Variants in ANKRD12 observed in about 807,000 individuals in gnomAD.
ANKRD12 encodes the protein ankyrin repeat domain-containing protein 12.
A neutral mutation model predicts 183.4 loss-of-function variants in ANKRD12; 85 were observed. The ratio of observed to expected loss-of-function variants is 0.46; its 90% CI spans 0.39 to 0.56. The LOEUF (loss-of-function observed/expected upper bound fraction) is 0.56, where lower values mean the gene tolerates loss of function less well. ANKRD12 is among the 20% of genes least tolerant of loss of function. ANKRD12 has a pLI of 0.00. For synonymous variants in ANKRD12, 914 were observed against 800.2 expected (o/e 1.14, Z -2.40); for missense variants, 2,405 against 2,357.1 (o/e 1.02, Z -0.42).
rs558831239 is a variant in ANKRD12, at chr18:9,179,907, A to G, written c.-51-2475A>G. On this transcript the variant is annotated intron_variant, in intron 1 of 12. Coordinates refer to ENST00000262126, the MANE Select transcript of ANKRD12 (RefSeq NM_015208.5). ...TGTTTTATGACACAGAATGTGGCCT[A>G]TCTTGGGGAGTATTCTGTGTGCTCT... Among the ~76,000 whole-genome samples, 6 of 152,370 alleles carry G rather than the reference A, an allele frequency of 3.9e-5. No homozygotes were observed. The South Asian group carries it at 6.2e-4, about 16-fold the overall frequency.
At chr18:9,246,334 T>C (rs1329858405) in intron 8 of ANKRD12, among the ~76,000 whole-genome samples, 7 of 152,276 alleles carry the variant, frequency 4.6e-5, no homozygotes, top group African/African-American at 1.7e-4. Flanking sequence ...ACTTTTATAA[T>C]AAAAGTATAA....
At chr18:9,155,726 G>GT (rs2030319386) in intron 1 of ANKRD12, among the ~76,000 whole-genome samples, 2 of 151,886 alleles carry the variant, frequency 1.3e-5, no homozygotes, top group South Asian at 4.2e-4. Flanking sequence ...TTACTTTTGT[G>GT]TTTTTTGTTC....
chr18:9,216,722 C>CA, intron 6 of ANKRD12, 36 bp from the exon 7 acceptor site: 1 of 1,602,594 alleles, frequency 6.2e-7, no homozygotes, highest in South Asian at 1.1e-5. Context: ...TGAAGTAGCG[C>CA]AAGTGAATCA....
Position 9,255,160 on chromosome 18 carries a change from A to T in ANKRD12, c.1893A>T (p.Pro631=). The change falls in exon 9 of 13, where the codon CCA becomes CCT. Residue 631 remains proline (P), a synonymous_variant. Transcript: ENST00000262126. ...AAATAAAGGATGAAGATCATAGTCC[A>T]ACATTTGAAAATTCAGATTGCACAC... ...NAKIKDEDHS[P]TFENSDCTLK... is the part of the protein sequence containing the mutation. The T allele has an allele frequency of 6.3e-7, 1 of 1,587,228 alleles. No homozygotes were observed. The highest frequency in any genetic ancestry group is 8.5e-7 in the Non-Finnish European group (1 of 1,172,352).
intron 1 of ANKRD12, among the ~76,000 whole-genome samples, chr18:9,149,324 A>G (rs2078600449): frequency 1.3e-5 from 2 of 152,248 alleles, no homozygotes; most frequent in Non-Finnish European, 2.9e-5. Flanking sequence ...GCTAAAGGAA[A>G]TACCCACACT....
At chr18:9,220,349 A>AG (rs1330185129) in intron 7 of ANKRD12, among the ~76,000 whole-genome samples, 4 of 152,186 alleles carry the variant, frequency 2.6e-5, no homozygotes, top group Non-Finnish European at 5.9e-5. Flanking sequence ...TTATAGTCCA[A>AG]GGGGGGAAAT....
At chr18:9,176,358 T>C (rs1025335971) in intron 1 of ANKRD12, among the ~76,000 whole-genome samples, 2 of 152,102 alleles carry the variant, frequency 1.3e-5, no homozygotes, top group African/African-American at 4.8e-5. Flanking sequence ...GTGTGCGACC[T>C]CACCTTACTG....
At chr18:9,189,356 A>G (rs1274064655) in intron 2 of ANKRD12, among the ~76,000 whole-genome samples, 1 of 152,220 alleles carries the variant, frequency 6.6e-6, no homozygotes, top group Non-Finnish European at 1.5e-5. Flanking sequence ...CCATAACATA[A>G]AAGTGCAAGG....
At chr18:9,191,005 C>T (rs2034419945) in intron 2 of ANKRD12, among the ~76,000 whole-genome samples, 1 of 152,118 alleles carries the variant, frequency 6.6e-6, no homozygotes, top group African/African-American at 2.4e-5. Flanking sequence ...TATATATATT[C>T]TTGTTTTCTG....
At chr18:9,141,313 C>G (rs994494420) in intron 1 of ANKRD12, among the ~76,000 whole-genome samples, 1 of 152,192 alleles carries the variant, frequency 6.6e-6, no homozygotes, top group Middle Eastern at 3.4e-3. Flanking sequence ...ATGAGGCTAT[C>G]CTAGCAAATT....
chr18:9,197,999 A>T (rs530216884), intron 3 of ANKRD12, among the ~76,000 whole-genome samples: 2 of 152,238 alleles, frequency 1.3e-5, no homozygotes, highest in Admixed American at 1.3e-4. Flanking sequence ...CCAGTACAAA[A>T]TGTGTTATTT....
At position 9,175,523 on chromosome 18, in the gene ANKRD12, C is replaced by CTTTTTTTTTTTTTTT. The variant is rs33944736; in HGVS notation, c.-51-6845_-51-6831dup. On this transcript the variant is annotated intron_variant, in intron 1 of 12. Transcript: ENST00000262126. ...CTTGATCAGTTTTTCAAAGGCTCCT[C>CTTTTTTTTTTTTTTT]TTTTTTTTTTTTTTTTTTTTTTTTT... 1.1e-4 allele frequency among the ~76,000 whole-genome samples: 6 copies of CTTTTTTTTTTTTTTT among 53,302 alleles called. 2 individuals carry two copies. The highest frequency in any genetic ancestry group is 1.5e-4 in the African/African-American group (2 of 12,998). The allele number at this position is 53,302 out of a possible 152,430, so 35.0% of individuals were successfully genotyped here.
chr18:9,273,865 A>T (rs1314558913), intron 10 of ANKRD12, among the ~76,000 whole-genome samples: 1 of 152,218 alleles, frequency 6.6e-6, no homozygotes, highest in African/African-American at 2.4e-5. Flanking sequence ...ATTTTATCTT[A>T]CTTCATCTGA....
At chr18:9,234,350 G>T (rs1479432521) in intron 8 of ANKRD12, among the ~76,000 whole-genome samples, 2 of 152,132 alleles carry the variant, frequency 1.3e-5, no homozygotes, top group Non-Finnish European at 2.9e-5. Context: ...GGCGACGGGG[G>T]ATCTCTCTCT....
intron 8 of ANKRD12, among the ~76,000 whole-genome samples, chr18:9,247,811 T>C (rs558073267): frequency 6.6e-6 from 1 of 152,202 alleles, no homozygotes; most frequent in East Asian, 1.9e-4. Context: ...TGTTTTGTTT[T>C]GTTTTCTTGA....
intron 1 of ANKRD12, among the ~76,000 whole-genome samples, chr18:9,144,023 T>C (rs1271514016): frequency 6.6e-6 from 1 of 152,216 alleles, no homozygotes; most frequent in African/African-American, 2.4e-5. Context: ...ATTTGTGTTA[T>C]TAAACTTAAA....
intron 4 of ANKRD12, among the ~76,000 whole-genome samples, chr18:9,207,248 C>T (rs563948685): frequency 6.6e-6 from 1 of 151,798 alleles, no homozygotes; most frequent in Non-Finnish European, 1.5e-5. Context: ...AAGTACTGTG[C>T]TAAGATTGGA....
chr18:9,233,469 A>G (rs1267653839), intron 8 of ANKRD12, among the ~76,000 whole-genome samples: 1 of 151,716 alleles, frequency 6.6e-6, no homozygotes, highest in Non-Finnish European at 1.5e-5. Context: ...TGGGGGTGTC[A>G]TATTTCCTTC....
chr18:9,158,962 G>T (rs2031004229), intron 1 of ANKRD12, among the ~76,000 whole-genome samples: 1 of 151,952 alleles, frequency 6.6e-6, no homozygotes, highest in South Asian at 2.1e-4. Flanking sequence ...ATTTTTTTCT[G>T]GCATTGTCTG....
Sources: gnomAD v4.1 joint callset for allele counts (sites outside exome capture counted in the v4.1 genomes callset) on GRCh38, gnomAD v4.1.1 for gene constraint, MANE v1.5 for transcripts, NCBI Gene and HGNC (gene_info 2026-07-23, HGNC 2026-07-21) for gene names.